FBXL13: variants seen among roughly 807,000 people sequenced by gnomAD.
FBXL13 encodes the protein F-box and leucine-rich repeat protein 13.
Under a neutral mutation model 83.6 loss-of-function variants are expected in FBXL13, and 67 were observed. The observed-to-expected ratio is 0.80, with a 90% CI of 0.66 to 0.98. The LOEUF (loss-of-function observed/expected upper bound fraction) is 0.98. FBXL13 is among the 50% of genes least tolerant of loss of function. The pLI, the probability that FBXL13 is intolerant of heterozygous loss-of-function variation, is 0.00. For synonymous variants in FBXL13, 272 were observed against 299.5 expected (o/e 0.91, Z 0.95); for missense variants, 822 against 866.5 (o/e 0.95, Z 0.64).
chr7:102,875,140 T>C (rs922716883), intron 16 of FBXL13, among the ~76,000 whole-genome samples: 1 of 152,192 alleles, frequency 6.6e-6, no homozygotes, highest in Non-Finnish European at 1.5e-5. Flanking sequence ...TGCTCCTATG[T>C]GTCAGGAAAA....
intron 2 of FBXL13, among the ~76,000 whole-genome samples, chr7:103,045,700 T>C (rs904905091): frequency 9.2e-5 from 14 of 152,246 alleles, no homozygotes; most frequent in Non-Finnish European, 2.1e-4. Context: ...CATTTTAGTT[T>C]GGTTTGGCCT....
intron 1 of FBXL13, among the ~76,000 whole-genome samples, chr7:103,071,769 A>G (rs1041508560): frequency 6.6e-6 from 1 of 152,114 alleles, no homozygotes; most frequent in Non-Finnish European, 1.5e-5. Flanking sequence ...ATCAGGTTTT[A>G]TTTAGGACAG....
intron 19 of FBXL13, among the ~76,000 whole-genome samples, chr7:102,819,200 C>T (rs763225517): frequency 3.9e-5 from 6 of 152,156 alleles, no homozygotes; most frequent in Non-Finnish European, 7.3e-5. Flanking sequence ...TTGCCTTTCC[C>T]CACAGAGGGC....
chr7:102,994,576 AG>A (rs2129484827), intron 6 of FBXL13, among the ~76,000 whole-genome samples: 1 of 152,376 alleles, frequency 6.6e-6, no homozygotes, highest in South Asian at 2.1e-4. Flanking sequence ...TCCAGTGAAC[AG>A]TTTCCAAACG....
intron 16 of FBXL13, among the ~76,000 whole-genome samples, chr7:102,863,488 T>G (rs1807166246): frequency 7.2e-6 from 1 of 139,074 alleles, no homozygotes; most frequent in African/African-American, 2.9e-5. Flanking sequence ...AGTATAAGTT[T>G]TTGCTGTGAT....
At chr7:103,024,594 C>T (rs1793638464) in intron 6 of FBXL13, among the ~76,000 whole-genome samples, 1 of 140,616 alleles carries the variant, frequency 7.1e-6, no homozygotes, top group Non-Finnish European at 1.5e-5. Context: ...TGAAAGCAAA[C>T]ATCAAGTGTG....
At chr7:103,030,099 T>C (rs1000576796) in intron 2 of FBXL13, 4 of 152,208 alleles carry the variant, frequency 2.6e-5, no homozygotes, top group African/African-American at 4.8e-5. Context: ...TTGCTTACTA[T>C]ATAGATATAC....
At chr7:103,048,359 ACT>A (rs1405163552) in intron 2 of FBXL13, among the ~76,000 whole-genome samples, 10 of 150,992 alleles carry the variant, frequency 6.6e-5, no homozygotes, top group African/African-American at 1.2e-4. Flanking sequence ...TAGAGGGAAG[ACT>A]CAGCTTTCCA....
chr7:102,982,480 C>T (rs1047552900), intron 6 of FBXL13, among the ~76,000 whole-genome samples: 6 of 152,106 alleles, frequency 3.9e-5, no homozygotes, highest in South Asian at 2.1e-4. Flanking sequence ...ACTCTCCCAT[C>T]GTTGGCACTG....
chr7:102,948,859 A>C (rs1822965893), intron 8 of FBXL13, among the ~76,000 whole-genome samples: 1 of 152,088 alleles, frequency 6.6e-6, no homozygotes. Flanking sequence ...TCACAGTTGC[A>C]CATCACCATA....
chr7:103,002,597 G>A (rs568440929), intron 6 of FBXL13, among the ~76,000 whole-genome samples: 17 of 152,254 alleles, frequency 1.1e-4, no homozygotes, highest in Non-Finnish European at 2.1e-4. Context: ...GATGCCTTTG[G>A]TGTTGATGAA....
chr7:103,043,848 A>G (rs920619665), intron 2 of FBXL13, among the ~76,000 whole-genome samples: 1 of 152,226 alleles, frequency 6.6e-6, no homozygotes, highest in East Asian at 1.9e-4. Flanking sequence ...AAAGAATTGC[A>G]TAATCTTCTT....
At chr7:102,903,037 C>A (rs181589657) in intron 11 of FBXL13, among the ~76,000 whole-genome samples, 1 of 151,914 alleles carries the variant, frequency 6.6e-6, no homozygotes, top group East Asian at 1.9e-4. Flanking sequence ...TTAACAATAT[C>A]AATTCTTCCA....
chr7:102,904,992 G>GT (rs1369901340), intron 11 of FBXL13, among the ~76,000 whole-genome samples: 4 of 152,074 alleles, frequency 2.6e-5, no homozygotes, highest in South Asian at 4.2e-4. Flanking sequence ...TATTATTTCA[G>GT]TTTTTTTGAA....
chr7:103,045,837 T>C (rs1796221886), intron 2 of FBXL13, among the ~76,000 whole-genome samples: 1 of 152,194 alleles, frequency 6.6e-6, no homozygotes, highest in Admixed American at 6.5e-5. Flanking sequence ...AGGGCCTTAG[T>C]GCCACTCTCA....
chr7:102,888,254 C>A (rs779103359), intron 11 of FBXL13, among the ~76,000 whole-genome samples: 1 of 152,144 alleles, frequency 6.6e-6, no homozygotes, highest in Non-Finnish European at 1.5e-5. Flanking sequence ...GAAAAGAATT[C>A]CAGGCTGGGT....
chr7:102,889,526 A>G (rs966126743), intron 11 of FBXL13, among the ~76,000 whole-genome samples: 7 of 152,112 alleles, frequency 4.6e-5, no homozygotes, highest in African/African-American at 1.4e-4. Context: ...CTCGTCATTT[A>G]CATTAGGTAT....
chr7:102,955,452 C>T (rs188346146), intron 8 of FBXL13, among the ~76,000 whole-genome samples: 2 of 151,834 alleles, frequency 1.3e-5, no homozygotes, highest in East Asian at 1.9e-4. Flanking sequence ...GATCTAAAAT[C>T]GACACCCTAA....
chr7:103,010,867 G>A (rs1456021841), intron 6 of FBXL13, among the ~76,000 whole-genome samples: 2 of 152,200 alleles, frequency 1.3e-5, no homozygotes, highest in African/African-American at 2.4e-5. Context: ...GCCTGATTCA[G>A]CCCTGTGCAA....
Sources: allele counts gnomAD v4.1 joint callset (sites outside exome capture counted in the v4.1 genomes callset), GRCh38; gene constraint gnomAD v4.1.1; transcripts MANE v1.5; gene names NCBI Gene and HGNC (gene_info 2026-07-23, HGNC 2026-07-21).